The following CES5A variants were observed in gnomAD, a reference collection of about 807,000 sequenced individuals.
CES5A encodes the protein carboxylesterase 5A.
CES5A carries 67 observed loss-of-function variants against 62.9 expected under a neutral mutation model. That is an observed-to-expected ratio of 1.07 (90% CI 0.88 to 1.31). The LOEUF (loss-of-function observed/expected upper bound fraction) is 1.31. CES5A is among the 50% of genes most tolerant of loss of function. The pLI, the probability that CES5A is intolerant of heterozygous loss-of-function variation, is 0.00. For synonymous variants in CES5A, 296 were observed against 280.8 expected (o/e 1.05, Z -0.54); for missense variants, 748 against 708.5 (o/e 1.06, Z -0.63).
At chr16:55,955,999 T>C in exon 1 of CES5A, 1 of 1,154,686 alleles carries the variant, frequency 8.7e-7, no homozygotes, top group Non-Finnish European at 1.2e-6. Flanking sequence ...AAAAGTCAAA[T>C]GAGTTCACCA....
At chr16:55,951,247 G>A (rs1424885912) in intron 1 of CES5A, among the ~76,000 whole-genome samples, 1 of 151,946 alleles carries the variant, frequency 6.6e-6, no homozygotes, top group African/African-American at 2.4e-5. Flanking sequence ...AGACTGGGGA[G>A]TTTAAACAAT....
intron 1 of CES5A, among the ~76,000 whole-genome samples, chr16:55,922,400 A>T (rs2034214740): frequency 6.6e-6 from 1 of 151,968 alleles, no homozygotes. Flanking sequence ...AGTTATACTT[A>T]TATGAGAAAA....
intron 1 of CES5A, among the ~76,000 whole-genome samples, chr16:55,897,310 G>A (rs1006065356): frequency 3.3e-5 from 5 of 152,126 alleles, no homozygotes; most frequent in African/African-American, 1.2e-4. Flanking sequence ...GGCAGGGGGA[G>A]TGATCTATTC....
chr16:55,846,967 T>C (rs909146495), intron 11 of CES5A, 127 bp from the exon 12 acceptor site: 7 of 805,246 alleles, frequency 8.7e-6, no homozygotes, highest in Non-Finnish European at 1.5e-5. Flanking sequence ...ACCAAGTCAC[T>C]GTACCCATTT....
chr16:55,916,676 T>A (rs2034151280), intron 1 of CES5A, among the ~76,000 whole-genome samples: 1 of 152,206 alleles, frequency 6.6e-6, no homozygotes, highest in Admixed American at 6.5e-5. Context: ...CTTCCTCTCC[T>A]GCCTCCCATT....
intron 1 of CES5A, among the ~76,000 whole-genome samples, chr16:55,909,835 C>T (rs894935684): frequency 1.3e-5 from 2 of 152,202 alleles, no homozygotes; most frequent in Admixed American, 1.3e-4. Flanking sequence ...GGGCTTCATG[C>T]CTCCATCCTC....
chr16:55,948,341 G>A (rs1025391860), intron 2 of CES5A, among the ~76,000 whole-genome samples: 6 of 152,204 alleles, frequency 3.9e-5, no homozygotes, highest in Non-Finnish European at 7.3e-5. Context: ...ATGTGAAAAG[G>A]AGGGGGCAGA....
At chr16:55,900,683 T>G (rs2033981651) in intron 1 of CES5A, among the ~76,000 whole-genome samples, 1 of 152,064 alleles carries the variant, frequency 6.6e-6, no homozygotes, top group African/African-American at 2.4e-5. Context: ...AAAAAGCAAG[T>G]GTGCCAAGCA....
chr16:55,955,876 G>A (rs1426384462), exon 1 of CES5A: 8 of 1,536,040 alleles, frequency 5.2e-6, no homozygotes, highest in Middle Eastern at 1.7e-4. Context: ...GGGCAAACCA[G>A]AACAGCCATC....
intron 2 of CES5A, chr16:55,944,126 A>G: frequency 1.4e-6 from 1 of 702,024 alleles, no homozygotes; most frequent in Non-Finnish European, 2.6e-6. Context: ...AAGGGATCTG[A>G]CAACCTCTCT....
At chr16:55,881,325 TA>T (rs1426467550) in intron 1 of CES5A, among the ~76,000 whole-genome samples, 1 of 152,184 alleles carries the variant, frequency 6.6e-6, no homozygotes, top group African/African-American at 2.4e-5. Flanking sequence ...AGGGATTTCC[TA>T]GTGAATGAAT....
intron 4 of CES5A, among the ~76,000 whole-genome samples, chr16:55,866,715 G>A (rs1567330984): frequency 6.7e-6 from 1 of 150,044 alleles, no homozygotes. Flanking sequence ...GCAGGCGCCT[G>A]TAGTCCCAGT....
rs192236159 is a variant in CES5A, at chr16:55,891,171, T to A, written c.-255-17134A>T. Among the ~76,000 whole-genome samples, 530 of 152,256 alleles carry A rather than the reference T, an allele frequency of 3.5e-3. 4 individuals are homozygous for A. Among genetic ancestry groups the A allele is most frequent in the Non-Finnish European group, 2.9e-3 (194 of 68,020 alleles). On this transcript the variant is annotated intron_variant, in intron 1 of 12. Transcript: ENST00000518005. ...CTTTAAATTAGCCAATCAGAAATGGTTTAGCCTGTGTGGTCTAACCCTAGC... is the reference window on the plus strand; with the variant it reads ...CTTTAAATTAGCCAATCAGAAATGGATTAGCCTGTGTGGTCTAACCCTAGC...
chr16:55,953,658 T>A (rs183662107), intron 1 of CES5A, among the ~76,000 whole-genome samples: 1 of 152,242 alleles, frequency 6.6e-6, no homozygotes, highest in Admixed American at 6.5e-5. Context: ...TGTTACTAGG[T>A]GGAGTAGAGC....
chr16:55,875,413 G>T (rs2033678264), upstream of CES5A: 1 of 1,322,560 alleles, frequency 7.6e-7, no homozygotes, highest in Non-Finnish European at 9.8e-7. Flanking sequence ...TTCCTGTTCT[G>T]ATTTACATAA....
chr16:55,851,951 A>G (rs1238861045), intron 10 of CES5A, among the ~76,000 whole-genome samples: 1 of 152,240 alleles, frequency 6.6e-6, no homozygotes, highest in Non-Finnish European at 1.5e-5. Context: ...ACAAATATTG[A>G]ATGATTCAAC....
intron 2 of CES5A, among the ~76,000 whole-genome samples, chr16:55,933,602 T>C (rs1298035001): frequency 6.6e-6 from 1 of 152,198 alleles, no homozygotes; most frequent in Non-Finnish European, 1.5e-5. Context: ...AATTGTATAC[T>C]TTAAGTGGGT....
At position 55,846,575 on chromosome 16, in the gene CES5A, C is replaced by T; in HGVS notation, c.1604G>A (p.Arg535Gln). 1.9e-6 allele frequency: 3 copies of T among 1,614,114 alleles called. 1 individual carries two copies. Among genetic ancestry groups the T allele is most frequent in the Admixed American group, 3.3e-5 (2 of 60,008 alleles). The change falls in exon 13 of 13, where the codon CGG becomes CAG. Residue 535 changes from arginine to glutamine, a missense_variant. Coordinates refer to ENST00000290567, the MANE Select transcript of CES5A (RefSeq NM_001143685.2). ...GATGGTGCTGGTCCAAAAATCCACCCGCGGTTCTTTGAGTCTCTGTCCGAG... is the reference window on the plus strand; with the variant it reads ...GATGGTGCTGGTCCAAAAATCCACCTGCGGTTCTTTGAGTCTCTGTCCGAG... ...MSLGQRLKEP[R>Q]VDFWTSTIPL...
At chr16:55,938,848 A>ATG (rs2034416376) in intron 2 of CES5A, among the ~76,000 whole-genome samples, 1 of 140,814 alleles carries the variant, frequency 7.1e-6, no homozygotes, top group Admixed American at 7.2e-5. Context: ...ACATATATAT[A>ATG]TGTAGATATG....
Sources: gnomAD v4.1 joint callset for allele counts (sites outside exome capture counted in the v4.1 genomes callset) on GRCh38, gnomAD v4.1.1 for gene constraint, MANE v1.5 for transcripts, NCBI Gene and HGNC (gene_info 2026-07-23, HGNC 2026-07-21) for gene names.